Variants in CORO2B observed in about 807,000 individuals in gnomAD.
CORO2B encodes coronin-2B.
Under a neutral mutation model 58.8 loss-of-function variants are expected in CORO2B, and 26 were observed. That is an observed-to-expected ratio of 0.44 (90% CI 0.32 to 0.61). The LOEUF (loss-of-function observed/expected upper bound fraction) is 0.61, where lower values mean the gene tolerates loss of function less well. CORO2B is among the 20% of genes least tolerant of loss of function. The pLI is 0.04. For synonymous variants in CORO2B, 242 were observed against 253.8 expected (o/e 0.95, Z 0.44); for missense variants, 460 against 645.1 (o/e 0.71, Z 3.11).
chr15:68,594,124 G>C (rs527397875), intron 1 of CORO2B, among the ~76,000 whole-genome samples: 1 of 152,262 alleles, frequency 6.6e-6, no homozygotes, highest in African/African-American at 2.4e-5. Context: ...TAAACAAAAG[G>C]GGTGTTTGGG....
chr15:68,596,362 A>AG (rs1899829545), intron 1 of CORO2B, among the ~76,000 whole-genome samples: 2 of 3,376 alleles, frequency 5.9e-4, no homozygotes, highest in African/African-American at 1.1e-3. Flanking sequence ...CATGGGGGGT[A>AG]GGGGGTGGGG....
intron 2 of CORO2B, among the ~76,000 whole-genome samples, chr15:68,682,318 TA>T (rs1480199767): frequency 6.6e-6 from 1 of 152,170 alleles, no homozygotes; most frequent in East Asian, 1.9e-4. Flanking sequence ...GGAGACCAAT[TA>T]GAAGACTGGA....
upstream of CORO2B, among the ~76,000 whole-genome samples, chr15:68,576,960 G>T (rs543972308): frequency 3.8e-4 from 58 of 152,296 alleles, no homozygotes; most frequent in African/African-American, 1.3e-3. Flanking sequence ...AGAGCCATTG[G>T]GCTGGAGTTG....
chr15:68,678,117 A>T (rs74020273), intron 2 of CORO2B, among the ~76,000 whole-genome samples: 1 of 152,124 alleles, frequency 6.6e-6, no homozygotes, highest in Admixed American at 6.5e-5. Context: ...CTTTCCCCCC[A>T]GATGACTTGT....
chr15:68,611,878 C>T (rs181400770), intron 1 of CORO2B, among the ~76,000 whole-genome samples: 3 of 151,868 alleles, frequency 2.0e-5, no homozygotes, highest in Admixed American at 1.3e-4. Flanking sequence ...CTCAAGTGAT[C>T]CTCCCACCTC....
the CORO2B span, chr15:68,559,722 T>C: frequency 7.2e-6 from 6 of 829,012 alleles, no homozygotes; most frequent in East Asian, 5.0e-4. This position sits in a 1 kb window ranked among gnomAD's most constrained non-coding sequence, Gnocchi z 4.3. Context: ...AGGGGGACTG[T>C]CGGTGAGGCT....
rs560889623 is a variant in CORO2B at position 68,612,658 on chromosome 15, A to T, written c.16-32502A>T. Reference sequence around the variant, plus strand: ...ATGGGGCCAGGCAATCTGAGTTCACACCTTGGTCTGCTGATGATAACTTGC... The same window carrying T: ...ATGGGGCCAGGCAATCTGAGTTCACTCCTTGGTCTGCTGATGATAACTTGC... On this transcript the variant is annotated intron_variant, in intron 1 of 11. Transcript: ENST00000261861. Among the ~76,000 whole-genome samples the T allele has an allele frequency of 3.9e-5, 6 of 152,290 alleles. No homozygotes were observed. The East Asian group carries it at 7.7e-4, about 20-fold the overall frequency.
intron 2 of CORO2B, among the ~76,000 whole-genome samples, chr15:68,667,119 C>G (rs908628484): frequency 6.6e-6 from 1 of 152,124 alleles, no homozygotes; most frequent in East Asian, 1.9e-4. Context: ...CTCTAAAAAC[C>G]CCTAAGGCCT....
At chr15:68,684,418 G>C (rs555964526) in intron 2 of CORO2B, among the ~76,000 whole-genome samples, 9 of 152,370 alleles carry the variant, frequency 5.9e-5, no homozygotes, top group Admixed American at 5.9e-4. Context: ...GATTGGGATG[G>C]AGGGAGAGAA....
intron 8 of CORO2B, among the ~76,000 whole-genome samples, chr15:68,716,287 AATCCCT>A (rs2140331282): frequency 6.6e-6 from 1 of 152,338 alleles, no homozygotes; most frequent in East Asian, 1.9e-4. Context: ...CTGTGCACTT[AATCCCT>A]CTAAGTCTCA....
intron 2 of CORO2B, among the ~76,000 whole-genome samples, chr15:68,648,029 CAA>C (rs59821203): frequency 3.6e-4 from 30 of 84,292 alleles, no homozygotes; most frequent in East Asian, 2.6e-3. Context: ...TCCTGTCTCT[CAA>C]AAAAAAAAAA....
chr15:68,523,248 G>A, the CORO2B span, among the ~76,000 whole-genome samples: 5 of 151,810 alleles, frequency 3.3e-5, no homozygotes, highest in Non-Finnish European at 7.4e-5. Context: ...TGGATGGAGT[G>A]GAATGGCATA....
the CORO2B span, among the ~76,000 whole-genome samples, chr15:68,541,780 C>A: frequency 3.3e-5 from 5 of 152,206 alleles, no homozygotes; most frequent in Non-Finnish European, 7.3e-5. Context: ...ATGGGGCTTC[C>A]TCACACGCAG....
Position 68,719,145 on chromosome 15 carries a change from C to A in CORO2B, c.1082C>A (p.Ser361Ter). The change falls in exon 10 of 12, where the codon TCA becomes TAA. Residue 361 changes from serine (S) to a stop codon, truncating the protein, a stop_gained and splice_region_variant. Coordinates refer to ENST00000261861, the MANE Select transcript of CORO2B (RefSeq NM_006091.5). LOFTEE classifies it high-confidence loss of function. ...TCTCTTCTGCTCCTCCCACTGTAGT[C>A]AGATTCCTACCAGGAAGACATTTAC... Reference protein sequence around the residue: ...EPISMIVPRRSDSYQEDIYPM... With the variant: ...EPISMIVPRR 1 of 1,613,296 alleles carries A rather than the reference C, an allele frequency of 6.2e-7. No individual in the cohort carries two copies. The highest frequency in any genetic ancestry group is 1.1e-5 in the South Asian group (1 of 91,064).
At chr15:68,639,431 T>C (rs1335960843) in intron 1 of CORO2B, among the ~76,000 whole-genome samples, 1 of 152,026 alleles carries the variant, frequency 6.6e-6, no homozygotes, top group African/African-American at 2.4e-5. Context: ...TAAAAGGAGG[T>C]GGCTATTGCC....
intron 1 of CORO2B, chr15:68,632,263 C>T: frequency 1.0e-6 from 1 of 985,528 alleles, no homozygotes; most frequent in Non-Finnish European, 1.2e-6. Flanking sequence ...GCTGGCAGCC[C>T]TGACAACTTG....
the CORO2B span, among the ~76,000 whole-genome samples, chr15:68,540,436 C>T: frequency 6.6e-6 from 1 of 152,142 alleles, no homozygotes; most frequent in African/African-American, 2.4e-5. Flanking sequence ...TGGTGGGCTC[C>T]TTTCATTTAT....
chr15:68,555,337 C>T, the CORO2B span, among the ~76,000 whole-genome samples: 1 of 152,188 alleles, frequency 6.6e-6, no homozygotes, highest in Non-Finnish European at 1.5e-5. Context: ...GGCTCCAGTC[C>T]AGGTCTCTTC....
chr15:68,626,680 A>C (rs1900690264), intron 1 of CORO2B, among the ~76,000 whole-genome samples: 2 of 152,222 alleles, frequency 1.3e-5, no homozygotes, highest in South Asian at 4.1e-4. Context: ...TGGGGAGCTC[A>C]AGAATACAGA....
Sources: gnomAD v4.1 joint callset for allele counts (sites outside exome capture counted in the v4.1 genomes callset) on GRCh38, gnomAD v4.1.1 for gene constraint, Gnocchi (gnomAD v3.1) non-coding constraint, MANE v1.5 for transcripts, NCBI Gene and HGNC (gene_info 2026-07-23, HGNC 2026-07-21) for gene names.